Variants in DDX39B observed in about 807,000 individuals in gnomAD.
DDX39B encodes DExD-box helicase 39B.
A neutral mutation model predicts 46.4 loss-of-function variants in DDX39B; 6 were observed. That is an observed-to-expected ratio of 0.13 (90% confidence interval 0.07 to 0.26). The LOEUF (loss-of-function observed/expected upper bound fraction) is 0.26, where lower values mean the gene tolerates loss of function less well. Among genes scored for constraint, DDX39B ranks in the 10% least tolerant of loss-of-function variants. The pLI is 1.00. For missense variants in DDX39B, 185 were observed against 553.4 expected (o/e 0.33, Z 6.68); for synonymous variants, 174 against 199.4 (o/e 0.87, Z 1.07).
chr6:31,537,422 T>C (rs1358381333), intron 4 of DDX39B, among the ~76,000 whole-genome samples: 2 of 151,954 alleles, frequency 1.3e-5, no homozygotes, highest in Admixed American at 6.6e-5. Context: ...CGAGACTCCA[T>C]CTCAAAAAAT....
chr6:31,541,417 T>TA, intron 1 of DDX39B: 1 of 371,310 alleles, frequency 2.7e-6, no homozygotes, highest in Non-Finnish European at 5.5e-6. Context: ...ACATCACTGT[T>TA]ACGCTACGAA....
intron 6 of DDX39B, 52 bp from the exon 7 acceptor site, chr6:31,532,963 TA>T (rs1364413666): frequency 6.3e-6 from 1 of 158,896 alleles, no homozygotes; most frequent in Non-Finnish European, 1.1e-5. Context: ...GTGGGGGGGT[TA>T]AACCTGGGGG....
In DDX39B at chr6:31,533,656, C is replaced by A; in HGVS notation, c.736-745G>T. ...GATACACTTTTAAGGGACAGGATCT[C>A]ACCATGTTGCCCAGGCTGGAGTGCA... On this transcript the variant is annotated intron_variant, in intron 6 of 10. Transcript: ENST00000396172. 3 of 152,786 alleles carry A rather than the reference C, an allele frequency of 2.0e-5. No homozygotes were observed. In the South Asian group the frequency reaches 6.0e-4, roughly 31 times the overall value. The allele number at this position is 152,786 out of a possible 1,614,324, so 9.5% of individuals were successfully genotyped here.
Position 31,531,358 on chromosome 6 carries a change from C to T in DDX39B, c.915G>A (p.Gln305=). 2.5e-6 allele frequency: 4 copies of T among 1,614,102 alleles called. No individual in the cohort carries two copies. Among genetic ancestry groups the T allele is most frequent in the Non-Finnish European group, 3.4e-6 (4 of 1,180,028 alleles). Residue 305 remains glutamine, a synonymous_variant, in exon 8 of 11, where the codon CAG becomes CAA. Transcript: ENST00000396172. The surrounding 1 kb of genome is among the most constrained non-coding windows in gnomAD (Gnocchi z 5.8). ...KSVQRCIALA[Q]LLVEQNFPAI... ...CTGGGAAGTTCTGCTCCACTAGTAG[C>T]TGGGCCAAGGCAATGCACCGCTGCA... is the stretch of plus-strand genomic sequence containing the variant.
intron 1 of DDX39B, 28 bp from the exon 2 acceptor site, chr6:31,540,692 C>T (rs1270003095): frequency 1.5e-6 from 1 of 650,912 alleles, no homozygotes; most frequent in African/African-American, 1.8e-5. Flanking sequence ...AAAAGCAAGA[C>T]TTAATCACGA....
chr6:31,532,605 G>A, intron 7 of DDX39B, 175 bp downstream of exon 7: 1 of 743,652 alleles, frequency 1.3e-6, no homozygotes, highest in East Asian at 2.9e-5. Flanking sequence ...GCCAGCCATA[G>A]AATAGAAAAG....
chr6:31,536,315 G>A, intron 5 of DDX39B, 185 bp downstream of exon 5: 1 of 854,868 alleles, frequency 1.2e-6, no homozygotes, highest in Non-Finnish European at 2.0e-6. Flanking sequence ...ATAGAAAGAT[G>A]ATAGATGACA....
At chr6:31,541,911 C>G (rs62395765) in intron 1 of DDX39B, 39 bp downstream of exon 1, 1 of 637,808 alleles carries the variant, frequency 1.6e-6, no homozygotes, top group Admixed American at 2.4e-5. Flanking sequence ...TGCGGAGAAG[C>G]GCAGATGGAA....
chr6:31,541,920 A>G, intron 1 of DDX39B, 30 bp downstream of exon 1: 1 of 641,532 alleles, frequency 1.6e-6, no homozygotes, highest in Non-Finnish European at 2.9e-6. Context: ...GCGCAGATGG[A>G]AACGGATTGT....
In DDX39B at chr6:31,535,557, C is replaced by T; in HGVS notation, c.617-72G>A. 2 of 1,194,140 alleles carry T rather than the reference C, an allele frequency of 1.7e-6. No individual in the cohort carries two copies. Among genetic ancestry groups the T allele is most frequent in the Admixed American group, 1.8e-5 (1 of 55,460 alleles). 74.0% of individuals were successfully genotyped at this position (1,194,140 alleles called of 1,614,324 possible). A position where few individuals can be genotyped will look rare whatever the true frequency, so the allele number is the denominator to read the frequency against. On this transcript the variant is annotated intron_variant, in intron 5 of 10. Coordinates refer to ENST00000396172, the MANE Select transcript of DDX39B (RefSeq NM_004640.7). The surrounding 1 kb of genome is among the most constrained non-coding windows in gnomAD (Gnocchi z 4.6). ...ATAAACAAAGATTAGAGGTAGACTT[C>T]CCAGTGAGGTGAAGATTGCTGGAAA...
Position 31,539,137 on chromosome 6 carries a change from C to G in DDX39B, c.339+10G>C. ...CAAAATCCCCTCCCCAGCACTCTCC[C>G]CAAATATACCTGCCCAGTAACTGGC... On this transcript the variant is annotated intron_variant, in intron 3 of 10. Coordinates refer to ENST00000396172, the MANE Select transcript of DDX39B (RefSeq NM_004640.7). The G allele has an allele frequency of 6.2e-7, 1 of 1,613,234 alleles. No individual in the cohort carries two copies. Among genetic ancestry groups the G allele is most frequent in the South Asian group, 1.1e-5 (1 of 91,088 alleles).
intron 1 of DDX39B, chr6:31,541,651 G>A (rs776711447): frequency 1.0e-5 from 5 of 488,398 alleles, no homozygotes; most frequent in South Asian, 6.2e-5. Context: ...AAGGGACGCC[G>A]AGCGCCGCCT....
chr6:31,539,104 G>A, intron 3 of DDX39B, 43 bp downstream of exon 3: 3 of 1,613,310 alleles, frequency 1.9e-6, no homozygotes, highest in South Asian at 1.1e-5. Flanking sequence ...TTCCCTTATA[G>A]TCCTAACCAA....
At chr6:31,541,838 AG>A (rs1269706136) in intron 1 of DDX39B, 111 bp downstream of exon 1, 33 of 645,724 alleles carry the variant, frequency 5.1e-5, no homozygotes, top group Non-Finnish European at 5.7e-6. Context: ...CGAACCAACT[AG>A]GCCCCAGCGA....
intron 1 of DDX39B, 182 bp from the exon 2 acceptor site, chr6:31,540,846 G>T: frequency 2.1e-6 from 1 of 469,620 alleles, no homozygotes; most frequent in South Asian, 2.4e-5. Flanking sequence ...CAGGGAAAGT[G>T]GTTAGGACAG....
In DDX39B at chr6:31,534,418, C is replaced by A; in HGVS notation, c.735+949G>T. On this transcript the variant is annotated intron_variant, in intron 6 of 10. Coordinates refer to ENST00000396172, the MANE Select transcript of DDX39B (RefSeq NM_004640.7). This position sits in a 1 kb window ranked among gnomAD's most constrained non-coding sequence, Gnocchi z 5.1. ...ACTGCAGGGAGGGGAAGAACACACT[C>A]CACTGCTTATGCAATTGGCCCCACC... 2.1e-6 allele frequency: 1 copy of A among 465,876 alleles called. No individual in the cohort carries two copies. The highest frequency in any genetic ancestry group is 4.4e-6 in the Non-Finnish European group (1 of 225,304). 28.9% of individuals were successfully genotyped at this position (465,876 alleles called of 1,614,324 possible). A position where few individuals can be genotyped will look rare whatever the true frequency, so the allele number is the denominator to read the frequency against.
In DDX39B at chr6:31,540,518, A is replaced by G; in HGVS notation, c.15T>C (p.Asp5=). MAEN[D]VDNELLDYED... ...CATAGTCCAAGAGCTCATTGTCCAC[A>G]TCGTTCTCTGCCATAACTGGGCCGG... Residue 5 remains aspartate (D), a synonymous_variant, in exon 2 of 11, where the codon GAT becomes GAC. Coordinates refer to ENST00000396172, the MANE Select transcript of DDX39B (RefSeq NM_004640.7). The G allele has an allele frequency of 2.5e-6, 4 of 1,614,062 alleles. No individual in the cohort carries two copies. The highest frequency in any genetic ancestry group is 3.4e-6 in the Non-Finnish European group (4 of 1,180,016).
chr6:31,540,529 C>T lies in DDX39B; in HGVS notation c.4G>A (p.Ala2Thr), dbSNP rs1379005393. The T allele has an allele frequency of 3.1e-6, 5 of 1,613,924 alleles. No homozygotes were observed. Among genetic ancestry groups the T allele is most frequent in the Non-Finnish European group, 4.2e-6 (5 of 1,179,952 alleles). M[A>T]ENDVDNELLD... ...AGCTCATTGTCCACATCGTTCTCTG[C>T]CATAACTGGGCCGGCAGGGGAAGAA... Residue 2 changes from alanine to threonine, a missense_variant, in exon 2 of 11, where the codon GCA becomes ACA. By Grantham distance (58) the Ala-to-Thr change is moderately conservative. Transcript: ENST00000396172.
chr6:31,533,215 C>T (rs1767385170), intron 6 of DDX39B: 2 of 307,552 alleles, frequency 6.5e-6, no homozygotes, highest in African/African-American at 4.4e-5. Flanking sequence ...GCCATTACCT[C>T]AAATAGAGGT....
Sources: gnomAD v4.1 joint callset for allele counts (sites outside exome capture counted in the v4.1 genomes callset) on GRCh38, gnomAD v4.1.1 for gene constraint, Gnocchi (gnomAD v3.1) non-coding constraint, MANE v1.5 for transcripts, NCBI Gene and HGNC (gene_info 2026-07-23, HGNC 2026-07-21) for gene names.